LMNB1: variants seen among roughly 807,000 people sequenced by gnomAD.
The protein encoded by LMNB1 is lamin B1, also known as lamin-B1.
Under a neutral mutation model 67.1 loss-of-function variants are expected in LMNB1, and 23 were observed. That is an observed-to-expected ratio of 0.34 (90% confidence interval 0.25 to 0.49). The LOEUF (loss-of-function observed/expected upper bound fraction) is 0.49. Among genes scored for constraint, LMNB1 ranks in the 20% least tolerant of loss-of-function variants. The pLI is 0.99. For missense variants in LMNB1, 634 were observed against 746.5 expected, an observed-to-expected ratio of 0.85 and a Z score of 1.76; for synonymous variants, 281 against 282.9, an observed-to-expected ratio of 0.99 and a Z score of 0.07.
At chr5:126,804,245 T>TTC (rs1751358653) in intron 1 of LMNB1, among the ~76,000 whole-genome samples, 1 of 146,998 alleles carries the variant, frequency 6.8e-6, no homozygotes, top group Non-Finnish European at 1.5e-5. Flanking sequence ...GCTCTTTTTT[T>TTC]TTTTTTTTTT....
At chr5:126,797,883 C>T (rs767464353) in intron 1 of LMNB1, among the ~76,000 whole-genome samples, 15 of 151,960 alleles carry the variant, frequency 9.9e-5, no homozygotes, top group East Asian at 1.9e-4. Context: ...TGAAACCAGC[C>T]GGGGCAACAT....
intron 1 of LMNB1, among the ~76,000 whole-genome samples, chr5:126,778,627 G>T (rs1038874946): frequency 6.6e-6 from 1 of 152,142 alleles, no homozygotes; most frequent in African/African-American, 2.4e-5. Context: ...GTGGTTCTGC[G>T]CAGGGAAGGA....
At chr5:126,809,735 T>G (rs1373902926) in intron 3 of LMNB1, among the ~76,000 whole-genome samples, 1 of 152,112 alleles carries the variant, frequency 6.6e-6, no homozygotes, top group East Asian at 1.9e-4. Flanking sequence ...ACATAAATCT[T>G]TACATGAATT....
Position 126,835,109 on chromosome 5 carries a change from T to G in LMNB1, c.1720-1114T>G, listed in dbSNP as rs1184988289. ...TCTAGAGAGGAGATTCCAGAGGCAG[T>G]GAGGGAATATATAATGGAAATTTAT... On this transcript the variant is annotated intron_variant, in intron 10 of 10. Transcript: ENST00000261366. Among the ~76,000 whole-genome samples the G allele has an allele frequency of 2.0e-5, 3 of 151,926 alleles. No individual in the cohort carries two copies. The East Asian group carries it at 5.8e-4, about 29-fold the overall frequency.
chr5:126,800,129 A>G (rs1270841260), intron 1 of LMNB1, among the ~76,000 whole-genome samples: 1 of 152,212 alleles, frequency 6.6e-6, no homozygotes, highest in Non-Finnish European at 1.5e-5. Context: ...TCATTTTTTA[A>G]CAGAAATTTT....
At chr5:126,781,635 C>T (rs1406906799) in intron 1 of LMNB1, among the ~76,000 whole-genome samples, 9 of 152,056 alleles carry the variant, frequency 5.9e-5, no homozygotes, top group Admixed American at 5.9e-4. Flanking sequence ...GGGGTTTCAC[C>T]GTGTTGGCCA....
intron 1 of LMNB1, among the ~76,000 whole-genome samples, chr5:126,800,982 A>ATATATATAATTTTTTTTTTTTT: frequency 5.4e-5 from 1 of 18,638 alleles, no homozygotes; most frequent in Non-Finnish European, 1.0e-4. Context: ...TATATATATA[A>ATATATATAATTTTTTTTTTTTT]TTTTTTTTTT....
intron 3 of LMNB1, among the ~76,000 whole-genome samples, chr5:126,808,006 G>A (rs1313935788): frequency 6.6e-6 from 1 of 151,688 alleles, no homozygotes; most frequent in African/African-American, 2.4e-5. Context: ...GGAGTAACTG[G>A]GTCTACAGGC....
intron 1 of LMNB1, among the ~76,000 whole-genome samples, chr5:126,800,982 A>ATATATATATATATAATTTTTTT: frequency 1.6e-4 from 3 of 18,638 alleles, no homozygotes; most frequent in African/African-American, 5.1e-4. Flanking sequence ...TATATATATA[A>ATATATATATATATAATTTTTTT]TTTTTTTTTT....
intron 1 of LMNB1, among the ~76,000 whole-genome samples, chr5:126,788,757 T>G (rs992185700): frequency 2.0e-5 from 3 of 152,082 alleles, no homozygotes; most frequent in Non-Finnish European, 4.4e-5. Flanking sequence ...TAGGTGATTG[T>G]TGACTGAGAG....
At chr5:126,819,721 C>CA (rs1462775279) in intron 6 of LMNB1, among the ~76,000 whole-genome samples, 12 of 152,110 alleles carry the variant, frequency 7.9e-5, no homozygotes, top group African/African-American at 2.9e-4. Flanking sequence ...CTCCTGACTG[C>CA]AAGTGACCCA....
chr5:126,816,139 A>C (rs1015494056), intron 5 of LMNB1, among the ~76,000 whole-genome samples: 4 of 152,036 alleles, frequency 2.6e-5, no homozygotes, highest in Non-Finnish European at 5.9e-5. Flanking sequence ...TACAAGGAAC[A>C]TGGTAGCGGG....
chr5:126,777,867 A>C lies in LMNB1; in HGVS notation c.359A>C (p.Asn120Thr), dbSNP rs369733845. 1 of 1,412,508 alleles carries C rather than the reference A, an allele frequency of 7.1e-7. No homozygotes were observed. The highest frequency in any genetic ancestry group is 9.2e-7 in the Non-Finnish European group (1 of 1,082,978). 87.5% of individuals were successfully genotyped at this position (1,412,508 alleles called of 1,614,324 possible). A position where few individuals can be genotyped will look rare whatever the true frequency, so the allele number is the denominator to read the frequency against. ...CKAEHDQLLLNYAKKESDLNG... is the reference protein window; with the variant it reads ...CKAEHDQLLLTYAKKESDLNG... Reference sequence around the variant, plus strand: ...GCGGAACACGACCAGCTGCTCCTCAAGTGAGTGCTAGCTGGCGGCCGCGTT... The same window carrying C: ...GCGGAACACGACCAGCTGCTCCTCACGTGAGTGCTAGCTGGCGGCCGCGTT... Residue 120 changes from asparagine (N) to threonine (T), a missense_variant and splice_region_variant, in exon 1 of 11, where the codon AAC (asparagine) becomes ACC (threonine). By Grantham distance (65) the Asn-to-Thr change is moderately conservative (BLOSUM62 0). Coordinates refer to ENST00000261366, the MANE Select transcript of LMNB1 (RefSeq NM_005573.4).
In LMNB1 at chr5:126,810,281, G is replaced by A; in HGVS notation, c.744G>A (p.Glu248=). Residue 248 remains glutamate (E), a synonymous_variant, in exon 4 of 11, where the codon GAG becomes GAA. Coordinates refer to ENST00000261366, the MANE Select transcript of LMNB1 (RefSeq NM_005573.4). Reference sequence around the variant, plus strand: ...ACAAGCTGGCGCAAGCCCTTCATGAGATGAGAGAGCAACATGATGCCCAAG... The same window carrying A: ...ACAAGCTGGCGCAAGCCCTTCATGAAATGAGAGAGCAACATGATGCCCAAG... ...YEYKLAQALH[E]MREQHDAQVR... The A allele has an allele frequency of 6.2e-7, 1 of 1,613,958 alleles. No homozygotes were observed. The highest frequency in any genetic ancestry group is 1.7e-5 in the Admixed American group (1 of 60,018).
chr5:126,784,429 C>T (rs1279903370), intron 1 of LMNB1, among the ~76,000 whole-genome samples: 13 of 151,680 alleles, frequency 8.6e-5, no homozygotes, highest in Non-Finnish European at 1.9e-4. Flanking sequence ...GATCTCGGCT[C>T]ACTGCAACCT....
At position 126,810,184 on chromosome 5, in the gene LMNB1, T is replaced by A; in HGVS notation, c.647T>A (p.Ile216Asn). The A allele has an allele frequency of 1.9e-6, 3 of 1,610,320 alleles. No individual in the cohort carries two copies. The highest frequency in any genetic ancestry group is 2.5e-6 in the Non-Finnish European group (3 of 1,177,014). Residue 216 changes from isoleucine (I) to asparagine (N), a missense_variant, in exon 4 of 11, where the codon ATT becomes AAT. Ile to Asn is a moderately radical substitution (Grantham distance 149). Coordinates refer to ENST00000261366, the MANE Select transcript of LMNB1 (RefSeq NM_005573.4). ...TGCTTTTTGTTTTTTCCCCAGGAGA[T>A]TAACGAGACCAGAAGGAAGCATGAA... ...EFRKSMYEEEINETRRKHETR... is the reference protein window; with the variant it reads ...EFRKSMYEEENNETRRKHETR...
chr5:126,794,526 A>AT (rs1227381401), intron 1 of LMNB1, among the ~76,000 whole-genome samples: 1 of 152,234 alleles, frequency 6.6e-6, no homozygotes, highest in African/African-American at 2.4e-5. Context: ...TATAAGAGAC[A>AT]TGGCATGTTG....
chr5:126,786,009 C>CT (rs1254786685), intron 1 of LMNB1, among the ~76,000 whole-genome samples: 2 of 150,890 alleles, frequency 1.3e-5, no homozygotes, highest in Non-Finnish European at 3.0e-5. Context: ...GCAAGACTCC[C>CT]TTTGGGGGGT....
At chr5:126,808,228 G>GGC (rs1202114828) in intron 3 of LMNB1, among the ~76,000 whole-genome samples, 6 of 151,952 alleles carry the variant, frequency 3.9e-5, no homozygotes, top group South Asian at 2.1e-4. Flanking sequence ...CTGTTGCCCA[G>GGC]GCTGGTGTGC....
Sources: allele counts gnomAD v4.1 joint callset (sites outside exome capture counted in the v4.1 genomes callset), GRCh38; gene constraint gnomAD v4.1.1; transcripts MANE v1.5; gene names NCBI Gene and HGNC (gene_info 2026-07-23, HGNC 2026-07-21).